Variants in SEMA4D observed in about 807,000 individuals in gnomAD.
The protein encoded by SEMA4D is semaphorin-4D.
In SEMA4D, 22 loss-of-function variants were observed where a neutral mutation model predicts 74.8. The ratio of observed to expected loss-of-function variants is 0.29; its 90% CI spans 0.21 to 0.42. The LOEUF is 0.42. Ranked by LOEUF, SEMA4D falls within the 10% of genes least tolerant of loss-of-function variation. The probability of loss-of-function intolerance (pLI) is 1.00; values close to 1 mark genes in which losing one functional copy is unlikely to be tolerated. For missense variants in SEMA4D, 937 were observed against 1,118.4 expected (o/e 0.84, Z 2.31); for synonymous variants, 445 against 463.7 (o/e 0.96, Z 0.52).
rs189365266 is a variant in SEMA4D, at chr9:89,370,121, G to T, written c.1883-6171C>A. On this transcript the variant is annotated intron_variant, in intron 16 of 18. Transcript: ENST00000339861. ...AGGTGTGTGTACAGTGTGTGTGTGT[G>T]GTGTGTGTTGGTATGTGTGCACATG... is the stretch of plus-strand genomic sequence containing the variant. Among the ~76,000 whole-genome samples the T allele has an allele frequency of 1.7e-3, 251 of 151,498 alleles. 2 individuals are homozygous for T. The highest frequency in any genetic ancestry group is 5.8e-3 in the African/African-American group (238 of 41,214).
At chr9:89,462,985 A>C (rs12347267) in intron 1 of SEMA4D, among the ~76,000 whole-genome samples, 5 of 122,878 alleles carry the variant, frequency 4.1e-5, no homozygotes, top group Non-Finnish European at 7.7e-5. Context: ...GGAGCGAGGG[A>C]GAAAGAGAGG....
At chr9:89,385,866 G>GGGGGGGGGGCGC in intron 13 of SEMA4D, 1 of 196,226 alleles carries the variant, frequency 5.1e-6, no homozygotes, top group Non-Finnish European at 9.0e-6. Context: ...CAGCGTGGAT[G>GGGGGGGGGGCGC]CCCGCCCACC....
In SEMA4D at chr9:89,378,772, C is replaced by T; in HGVS notation, c.2521G>A (p.Ala841Thr). The change falls in exon 16 of 16, where the codon GCC becomes ACC. Residue 841 changes from alanine to threonine, a missense_variant. By Grantham distance (58) the Ala-to-Thr change is moderately conservative. Coordinates refer to ENST00000422704, the MANE Select transcript of SEMA4D (RefSeq NM_001371194.2). ...EDSQRIDDLSARDKPFDVKCE... is the reference protein window; with the variant it reads ...EDSQRIDDLSTRDKPFDVKCE... ...TTGACGTCAAAGGGCTTGTCCCTGGCAGAAAGGTCGTCGATCCTCTGTGAG... is the reference window on the plus strand; with the variant it reads ...TTGACGTCAAAGGGCTTGTCCCTGGTAGAAAGGTCGTCGATCCTCTGTGAG... 1 of 1,614,226 alleles carries T rather than the reference C, an allele frequency of 6.2e-7. No individual in the cohort carries two copies.
intron 1 of SEMA4D, among the ~76,000 whole-genome samples, chr9:89,475,064 G>A (rs1554788890): frequency 1.3e-5 from 2 of 152,314 alleles, no homozygotes; most frequent in South Asian, 4.1e-4. Context: ...GGCCCACCCC[G>A]GAGGAGGCTC....
At chr9:89,490,652 A>T (rs1414178022) in intron 1 of SEMA4D, among the ~76,000 whole-genome samples, 3 of 152,220 alleles carry the variant, frequency 2.0e-5, no homozygotes, top group Non-Finnish European at 4.4e-5. Context: ...CAGGTGTATC[A>T]AACACATTTT....
intron 4 of SEMA4D, among the ~76,000 whole-genome samples, chr9:89,399,992 G>A (rs1016547969): frequency 4.2e-5 from 4 of 96,260 alleles, no homozygotes; most frequent in Admixed American, 1.7e-4. Flanking sequence ...GGGCAACAGA[G>A]TAAGACTCCG....
chr9:89,402,374 A>AGC (rs1842395645), intron 4 of SEMA4D, among the ~76,000 whole-genome samples: 2 of 152,174 alleles, frequency 1.3e-5, no homozygotes, highest in Admixed American at 1.3e-4. Flanking sequence ...ATTCAAACTA[A>AGC]ACGTTTGAAC....
intron 2 of SEMA4D, 130 bp from the exon 3 acceptor site, chr9:89,405,829 G>A (rs896064795): frequency 3.6e-5 from 46 of 1,292,032 alleles, no homozygotes; most frequent in Non-Finnish European, 4.4e-5. Flanking sequence ...GGAAGGCAGC[G>A]GGGGACAAAG....
chr9:89,439,086 ATCC>A (rs1205711688), intron 2 of SEMA4D, among the ~76,000 whole-genome samples: 1 of 143,228 alleles, frequency 7.0e-6, no homozygotes, highest in Non-Finnish European at 1.5e-5. Flanking sequence ...GATTCCAGCG[ATCC>A]TCCTGCCTCC....
chr9:89,455,960 CAG>C lies in SEMA4D; in HGVS notation c.-309-9_-309-8del, dbSNP rs1383956479. On this transcript the variant is annotated splice_polypyrimidine_tract_variant and splice_region_variant and intron_variant, in intron 1 of 15. Coordinates refer to ENST00000422704, the MANE Select transcript of SEMA4D (RefSeq NM_001371194.2). ...TATCTGGTGTTAGCAGAGTCTGAAA[CAG>C]AGTTAGAAAAGGGCACATTTTAGCA... is the stretch of plus-strand genomic sequence containing the variant. 4 of 152,252 alleles carry C rather than the reference CAG, an allele frequency of 2.6e-5. No homozygotes were observed. Among genetic ancestry groups the C allele is most frequent in the African/African-American group, 7.2e-5 (3 of 41,462 alleles). 9.4% of individuals were successfully genotyped at this position (152,252 alleles called of 1,614,324 possible).
At position 89,363,326 on chromosome 9, in the gene SEMA4D, G is replaced by T. The variant is rs150097648; in HGVS notation, c.2190+104C>A. ...CTGCTCCGGGGCTAAGAGGGAACAA[G>T]TGGGGTCCATGCTGAATGGGGCCCT... On this transcript the variant is annotated intron_variant, in intron 18 of 18. Transcript: ENST00000339861. 547 of 1,512,988 alleles carry T rather than the reference G, an allele frequency of 3.6e-4. 1 individual carries two copies. In the African/African-American group the frequency reaches 5.8e-3, roughly 16 times the overall value. 93.7% of individuals were successfully genotyped at this position (1,512,988 alleles called of 1,614,324 possible).
intron 1 of SEMA4D, among the ~76,000 whole-genome samples, chr9:89,460,176 C>A (rs1449309618): frequency 2.0e-5 from 3 of 152,246 alleles, no homozygotes; most frequent in Admixed American, 2.0e-4. Flanking sequence ...TGCTTCGCTT[C>A]TGTCCTTCTC....
At chr9:89,396,972 G>A (rs532945496) in intron 5 of SEMA4D, 137 bp from the exon 6 acceptor site, 21 of 724,550 alleles carry the variant, frequency 2.9e-5, no homozygotes, top group South Asian at 6.8e-5. Flanking sequence ...CCAGGCCAAC[G>A]AGGCATGTGT....
intron 1 of SEMA4D, among the ~76,000 whole-genome samples, chr9:89,461,529 C>T (rs1745131000): frequency 6.6e-6 from 1 of 152,152 alleles, no homozygotes; most frequent in African/African-American, 2.4e-5. Context: ...TCACTGCCCT[C>T]CCAGGACAAG....
intron 9 of SEMA4D, among the ~76,000 whole-genome samples, chr9:89,390,194 C>A (rs537464552): frequency 3.3e-5 from 5 of 152,192 alleles, no homozygotes; most frequent in African/African-American, 1.2e-4. Context: ...GGGCTCGAGT[C>A]CCCTGGCCAG....
At chr9:89,394,180 G>A (rs1236442229) in intron 6 of SEMA4D, among the ~76,000 whole-genome samples, 1 of 152,192 alleles carries the variant, frequency 6.6e-6, no homozygotes, top group Non-Finnish European at 1.5e-5. Flanking sequence ...GAACCGCACT[G>A]TACTAAAACA....
chr9:89,390,000 GA>G (rs944060179), intron 9 of SEMA4D, among the ~76,000 whole-genome samples: 20 of 151,782 alleles, frequency 1.3e-4, no homozygotes, highest in Middle Eastern at 3.4e-3. Flanking sequence ...CAAGTATGGG[GA>G]AAAAAAAGGG....
At chr9:89,466,209 T>C (rs1858656443) in intron 1 of SEMA4D, among the ~76,000 whole-genome samples, 1 of 152,140 alleles carries the variant, frequency 6.6e-6, no homozygotes. Flanking sequence ...GCACACGAAA[T>C]GCTCAATGAC....
intron 4 of SEMA4D, among the ~76,000 whole-genome samples, chr9:89,400,110 A>G (rs751737919): frequency 1.4e-4 from 22 of 151,844 alleles, no homozygotes; most frequent in Admixed American, 3.9e-4. Flanking sequence ...ACGATTCCTT[A>G]AACTTGCATG....
Sources: allele counts gnomAD v4.1 joint callset (sites outside exome capture counted in the v4.1 genomes callset), GRCh38; gene constraint gnomAD v4.1.1; transcripts MANE v1.5; gene names NCBI Gene and HGNC (gene_info 2026-07-23, HGNC 2026-07-21).